ANKRD44: variants seen among roughly 807,000 people sequenced by gnomAD.
ANKRD44 encodes the protein ankyrin repeat domain 44, also known as serine/threonine-protein phosphatase 6 regulatory ankyrin repeat subunit B.
A neutral mutation model predicts 116.0 loss-of-function variants in ANKRD44; 35 were observed. That is an observed-to-expected ratio of 0.30 (90% confidence interval 0.23 to 0.40). The LOEUF (loss-of-function observed/expected upper bound fraction) is 0.40, where lower values mean the gene tolerates loss of function less well. ANKRD44 is among the 10% of genes least tolerant of loss of function. The pLI is 1.00. For synonymous variants in ANKRD44, 435 were observed against 461.8 expected (o/e 0.94, Z 0.74); for missense variants, 1,014 against 1,242.6 (o/e 0.82, Z 2.77).
intron 1 of ANKRD44, among the ~76,000 whole-genome samples, chr2:197,262,208 T>C (rs528818651): frequency 9.2e-5 from 14 of 152,186 alleles, no homozygotes; most frequent in Non-Finnish European, 1.9e-4. Flanking sequence ...AAAGAATAAA[T>C]GGCAGAGCTT....
chr2:196,978,009 A>G (rs2075772515), intron 21 of ANKRD44, among the ~76,000 whole-genome samples: 1 of 152,238 alleles, frequency 6.6e-6, no homozygotes. Flanking sequence ...GTATATCCAT[A>G]TAATTAAATA....
chr2:197,269,638 C>G (rs2105772053), intron 1 of ANKRD44, among the ~76,000 whole-genome samples: 1 of 152,224 alleles, frequency 6.6e-6, no homozygotes, highest in South Asian at 2.1e-4. Context: ...CTCTTGGTGG[C>G]ATTTCTTTAA....
At chr2:197,076,620 C>A (rs1254655760) in intron 16 of ANKRD44, among the ~76,000 whole-genome samples, 1 of 151,970 alleles carries the variant, frequency 6.6e-6, no homozygotes, top group East Asian at 1.9e-4. Context: ...AGCCTTTTAC[C>A]AAATAGTTAT....
chr2:196,980,597 A>G (rs1382113868), intron 21 of ANKRD44, among the ~76,000 whole-genome samples: 1 of 152,190 alleles, frequency 6.6e-6, no homozygotes, highest in Non-Finnish European at 1.5e-5. Context: ...GGAAGTATTC[A>G]ATTTTTCATT....
At chr2:197,119,620 T>G (rs2078805025) in intron 8 of ANKRD44, among the ~76,000 whole-genome samples, 1 of 152,124 alleles carries the variant, frequency 6.6e-6, no homozygotes, top group Non-Finnish European at 1.5e-5. Flanking sequence ...TCACCACTAT[T>G]AGAAATTGTG....
At chr2:197,050,148 G>C (rs1290028667) in intron 16 of ANKRD44, among the ~76,000 whole-genome samples, 1 of 152,164 alleles carries the variant, frequency 6.6e-6, no homozygotes, top group Non-Finnish European at 1.5e-5. Flanking sequence ...AGGAGAAAGA[G>C]AGAAGGGGGA....
At chr2:196,975,402 A>G (rs1188819090) in intron 21 of ANKRD44, among the ~76,000 whole-genome samples, 7 of 152,348 alleles carry the variant, frequency 4.6e-5, no homozygotes, top group Admixed American at 3.3e-4. Flanking sequence ...TCAGAATGAT[A>G]AAAATCTTTT....
intron 1 of ANKRD44, among the ~76,000 whole-genome samples, chr2:197,196,948 G>A (rs1450891548): frequency 6.6e-6 from 1 of 150,408 alleles, no homozygotes; most frequent in Non-Finnish European, 1.5e-5. Flanking sequence ...TCACCTTCCT[G>A]TTCTGGCCAT....
chr2:197,253,508 T>C (rs1022845751), intron 1 of ANKRD44, among the ~76,000 whole-genome samples: 3 of 152,194 alleles, frequency 2.0e-5, no homozygotes, highest in African/African-American at 7.2e-5. Flanking sequence ...TCTTCAATAA[T>C]GTTGATTTCT....
At position 197,136,446 on chromosome 2, in the gene ANKRD44, TCAAATAAAAG is replaced by T. The variant is rs1334559937; in HGVS notation, c.261+136_261+145del. On this transcript the variant is annotated intron_variant, in intron 4 of 27. Coordinates refer to ENST00000282272, the MANE Select transcript of ANKRD44 (RefSeq NM_001195144.2). The stretch of plus-strand genomic sequence containing the variant: ...ACTATGTCTGGCACACAGGAGATAC[TCAAATAAAAG>T]CTGTTCATTTTGGGTAACCCTCTTA... 5.6e-6 allele frequency: 4 copies of T among 710,356 alleles called. No homozygotes were observed. The East Asian group carries it at 1.1e-4, about 19-fold the overall frequency. 44.0% of individuals were successfully genotyped at this position (710,356 alleles called of 1,614,324 possible).
chr2:197,059,904 C>A lies in ANKRD44; in HGVS notation c.1650+18799G>T, dbSNP rs933468661. 3.3e-5 allele frequency among the ~76,000 whole-genome samples: 5 copies of A among 152,366 alleles called. No homozygotes were observed. In the East Asian group the frequency reaches 7.7e-4, roughly 23 times the overall value. On this transcript the variant is annotated intron_variant, in intron 16 of 27. Transcript: ENST00000282272. ...CCAAGTCCAGACATTTCTCTACACT[C>A]TCCATCCTTCAATTCGTTACAGGTT...
At chr2:197,082,428 C>T (rs2077819274) in intron 14 of ANKRD44, among the ~76,000 whole-genome samples, 1 of 152,148 alleles carries the variant, frequency 6.6e-6, no homozygotes, top group African/African-American at 2.4e-5. Flanking sequence ...GTGAAATCGA[C>T]TTAATGGGTT....
intron 16 of ANKRD44, among the ~76,000 whole-genome samples, chr2:197,049,214 C>G (rs10203093): frequency 1 from 152,326 of 152,360 alleles, 76,146 homozygotes; most frequent in Non-Finnish European, 1. Flanking sequence ...TTTGGCTTTT[C>G]TTGCCATGCT....
rs1352576686 is a variant in ANKRD44 at position 196,988,950 on chromosome 2, G to A, written c.*641C>T. 1.8e-5 allele frequency: 18 copies of A among 985,250 alleles called. No individual in the cohort carries two copies. Among genetic ancestry groups the A allele is most frequent in the Non-Finnish European group, 2.0e-5 (17 of 829,942 alleles). 61.0% of individuals were successfully genotyped at this position (985,250 alleles called of 1,614,324 possible). A position where few individuals can be genotyped will look rare whatever the true frequency, so the allele number is the denominator to read the frequency against. On this transcript the variant is annotated 3_prime_UTR_variant, in exon 28 of 28. Transcript: ENST00000282272. ...ATCTGAGTTTTCATCTCGCAGAAGG[G>A]CATCCAGACTGCAATGTCTTCTAAG...
intron 1 of ANKRD44, among the ~76,000 whole-genome samples, chr2:197,198,588 T>G (rs572927783): frequency 6.6e-6 from 1 of 152,094 alleles, no homozygotes; most frequent in African/African-American, 2.4e-5. Context: ...GGCCAGGAGT[T>G]TGAGACCAGC....
At chr2:197,051,094 C>A (rs901084002) in intron 16 of ANKRD44, among the ~76,000 whole-genome samples, 1 of 151,562 alleles carries the variant, frequency 6.6e-6, no homozygotes, top group African/African-American at 2.4e-5. Context: ...TCCCAGGTAG[C>A]TGGGACTACA....
chr2:196,986,102 A>G (rs1042358115), downstream of ANKRD44, among the ~76,000 whole-genome samples: 1 of 152,184 alleles, frequency 6.6e-6, no homozygotes, highest in African/African-American at 2.4e-5. Flanking sequence ...TCAGTCACAG[A>G]TACTGTTTTA....
chr2:197,105,846 G>T (rs1387355689), intron 9 of ANKRD44, among the ~76,000 whole-genome samples: 3 of 152,076 alleles, frequency 2.0e-5, no homozygotes, highest in Non-Finnish European at 4.4e-5. Flanking sequence ...ACGGTGGTCT[G>T]CCTGAAAGCC....
At chr2:197,072,789 G>C (rs1035599311) in intron 16 of ANKRD44, among the ~76,000 whole-genome samples, 3 of 152,122 alleles carry the variant, frequency 2.0e-5, no homozygotes, top group African/African-American at 7.2e-5. Flanking sequence ...GCTATTTACT[G>C]AACCAGCGAG....
Sources: allele counts gnomAD v4.1 joint callset (sites outside exome capture counted in the v4.1 genomes callset), GRCh38; gene constraint gnomAD v4.1.1; transcripts MANE v1.5; gene names NCBI Gene and HGNC (gene_info 2026-07-23, HGNC 2026-07-21).